Variants in IRAK1BP1 observed in about 807,000 individuals in gnomAD.
IRAK1BP1 encodes interleukin 1 receptor associated kinase 1 binding protein 1, also known as interleukin-1 receptor-associated kinase 1-binding protein 1.
Under a neutral mutation model 28.0 loss-of-function variants are expected in IRAK1BP1, and 24 were observed. The ratio of observed to expected loss-of-function variants is 0.86; its 90% confidence interval spans 0.62 to 1.20. The LOEUF is 1.20. IRAK1BP1 is among the 50% of genes most tolerant of loss of function. The pLI, the probability that IRAK1BP1 is intolerant of heterozygous loss-of-function variation, is 0.00. For synonymous variants in IRAK1BP1, 131 were observed against 116.3 expected (o/e 1.13, Z -0.81); for missense variants, 336 against 316.7 (o/e 1.06, Z -0.46).
chr6:78,914,242 A>T (rs1195266364), intron 4 of IRAK1BP1, among the ~76,000 whole-genome samples: 2 of 152,228 alleles, frequency 1.3e-5, no homozygotes, highest in African/African-American at 4.8e-5. Flanking sequence ...CTTTCAACTG[A>T]CAAGAATTAT....
At chr6:78,973,688 C>A in the IRAK1BP1 span, among the ~76,000 whole-genome samples, 55 of 151,002 alleles carry the variant, frequency 3.6e-4, no homozygotes, top group Non-Finnish European at 5.3e-4. Flanking sequence ...GGAAGATGTA[C>A]CAAGCAAATG....
chr6:78,964,972 C>T, the IRAK1BP1 span, among the ~76,000 whole-genome samples: 1 of 152,080 alleles, frequency 6.6e-6, no homozygotes, highest in East Asian at 1.9e-4. Context: ...CAAAAATGGG[C>T]AATGAAGTGG....
rs547800802 is a variant in IRAK1BP1, at chr6:78,903,003, A to T, written c.*4669A>T. ...TATTTCTGTTTCAGCAACTCCTGGA[A>T]TCCTTCTTCAACATCCCAACCAACA... On this transcript the variant is annotated 3_prime_UTR_variant, in exon 4 of 4. Coordinates refer to ENST00000369940, the MANE Select transcript of IRAK1BP1 (RefSeq NM_001010844.4). The T allele has an allele frequency of 9.2e-6, 14 of 1,514,124 alleles. No homozygotes were observed. In the East Asian group the frequency reaches 2.9e-4, roughly 32 times the overall value. The allele number at this position is 1,514,124 out of a possible 1,614,324, so 93.8% of individuals were successfully genotyped here. A position where few individuals can be genotyped will look rare whatever the true frequency, so the allele number is the denominator to read the frequency against.
intron 1 of IRAK1BP1, among the ~76,000 whole-genome samples, chr6:78,872,889 A>C (rs567164481): frequency 5.3e-5 from 8 of 152,232 alleles, no homozygotes; most frequent in Admixed American, 3.3e-4. Context: ...ATAAATTTCT[A>C]GTTCACAATA....
At chr6:78,961,983 T>C in the IRAK1BP1 span, among the ~76,000 whole-genome samples, 5 of 152,280 alleles carry the variant, frequency 3.3e-5, no homozygotes, top group Middle Eastern at 3.4e-3. Context: ...CTTTTTATTA[T>C]GTCTACATTT....
At chr6:78,978,943 T>C in the IRAK1BP1 span, among the ~76,000 whole-genome samples, 1 of 152,246 alleles carries the variant, frequency 6.6e-6, no homozygotes, top group East Asian at 1.9e-4. Context: ...AGGCAAAACT[T>C]GAATTTGCTA....
rs144782546 is a variant in IRAK1BP1 at position 78,884,236 on chromosome 6, A to C, written c.316-1142A>C. ...AACATAAACTGCTTGTAATTAGTTT[A>C]TATCTTAAAATTTAGATGCAACCAT... On this transcript the variant is annotated intron_variant, in intron 1 of 3. Coordinates refer to ENST00000369940, the MANE Select transcript of IRAK1BP1 (RefSeq NM_001010844.4). Among the ~76,000 whole-genome samples, 1,341 of 152,294 alleles carry C rather than the reference A, an allele frequency of 8.8e-3. 21 individuals are homozygous for C. Among genetic ancestry groups the C allele is most frequent in the African/African-American group, 0.029 (1,215 of 41,574 alleles).
downstream of IRAK1BP1, among the ~76,000 whole-genome samples, chr6:78,904,864 C>A (rs1242698470): frequency 6.6e-6 from 1 of 151,380 alleles, no homozygotes; most frequent in Non-Finnish European, 1.5e-5. Context: ...TCAAATATTT[C>A]ACTAGCTCAA....
chr6:78,978,655 T>C, the IRAK1BP1 span: 2 of 1,598,218 alleles, frequency 1.3e-6, no homozygotes, highest in East Asian at 2.2e-5. Context: ...TCCATGTTGA[T>C]GGCAACCATT....
intron 4 of IRAK1BP1, among the ~76,000 whole-genome samples, chr6:78,914,403 T>C (rs915984736): frequency 6.6e-6 from 1 of 152,210 alleles, no homozygotes; most frequent in African/African-American, 2.4e-5. Flanking sequence ...TAAAATAAAA[T>C]GTCTTGCTGT....
At chr6:78,896,695 C>T (rs1001171675) in intron 2 of IRAK1BP1, among the ~76,000 whole-genome samples, 4 of 151,838 alleles carry the variant, frequency 2.6e-5, no homozygotes, top group East Asian at 3.9e-4. Flanking sequence ...CATGGTGGCA[C>T]GTTCCGGTAG....
chr6:78,902,839 A>T lies in IRAK1BP1; in HGVS notation c.*4505A>T. 1 of 584,102 alleles carries T rather than the reference A, an allele frequency of 1.7e-6. No individual in the cohort carries two copies. The highest frequency in any genetic ancestry group is 3.0e-6 in the Non-Finnish European group (1 of 328,808). 36.2% of individuals were successfully genotyped at this position (584,102 alleles called of 1,614,324 possible). A position where few individuals can be genotyped will look rare whatever the true frequency, so the allele number is the denominator to read the frequency against. ...ACATACATAAAATGCCCAGTATCTT[A>T]CAAGACTGTAGTTCACAGTGGGTAA... On this transcript the variant is annotated 3_prime_UTR_variant, in exon 4 of 4. Coordinates refer to ENST00000369940, the MANE Select transcript of IRAK1BP1 (RefSeq NM_001010844.4).
chr6:78,889,696 A>G (rs138355868), intron 2 of IRAK1BP1, among the ~76,000 whole-genome samples: 38 of 152,308 alleles, frequency 2.5e-4, no homozygotes, highest in African/African-American at 6.7e-4. Context: ...TCATTAGAGA[A>G]ATGCAAATCA....
intron 1 of IRAK1BP1, among the ~76,000 whole-genome samples, chr6:78,874,241 A>C (rs1346263910): frequency 1.3e-5 from 2 of 152,240 alleles, no homozygotes; most frequent in Non-Finnish European, 2.9e-5. Context: ...TAGCTTAGAT[A>C]TGGATTTCTG....
intron 2 of IRAK1BP1, among the ~76,000 whole-genome samples, chr6:78,895,481 A>G (rs1771848174): frequency 6.6e-6 from 1 of 152,238 alleles, no homozygotes; most frequent in African/African-American, 2.4e-5. Flanking sequence ...TTAATGATTT[A>G]TACACATACA....
chr6:78,953,488 C>T, the IRAK1BP1 span, among the ~76,000 whole-genome samples: 4 of 152,032 alleles, frequency 2.6e-5, no homozygotes, highest in Non-Finnish European at 5.9e-5. Flanking sequence ...AGAACCAAAG[C>T]GAAATCCATA....
chr6:78,948,681 G>A (rs955091389), downstream of IRAK1BP1, among the ~76,000 whole-genome samples: 9 of 152,092 alleles, frequency 5.9e-5, no homozygotes, highest in Admixed American at 4.6e-4. Context: ...TTTTTGTAGA[G>A]ACGGGTCTTA....
At chr6:78,976,688 AAAC>A in the IRAK1BP1 span, among the ~76,000 whole-genome samples, 1 of 148,580 alleles carries the variant, frequency 6.7e-6, no homozygotes, top group Non-Finnish European at 1.5e-5. Context: ...AGAAAAAAAC[AAAC>A]AACCACATCA....
At chr6:78,928,924 G>A (rs1772966912) in intron 4 of IRAK1BP1, among the ~76,000 whole-genome samples, 2 of 152,144 alleles carry the variant, frequency 1.3e-5, no homozygotes, top group African/African-American at 2.4e-5. Flanking sequence ...AGTATTCGTT[G>A]AGGATTTTTG....
Sources: allele counts gnomAD v4.1 joint callset (sites outside exome capture counted in the v4.1 genomes callset), GRCh38; gene constraint gnomAD v4.1.1; transcripts MANE v1.5; gene names NCBI Gene and HGNC (gene_info 2026-07-23, HGNC 2026-07-21).